Variants in PACS1 observed in about 807,000 individuals in gnomAD.
PACS1 encodes PACS-1.
PACS1 carries 24 observed loss-of-function variants against 115.0 expected under a neutral mutation model. The ratio of observed to expected loss-of-function variants is 0.21; its 90% CI spans 0.15 to 0.29. The LOEUF is 0.29. Among genes scored for constraint, PACS1 ranks in the 10% least tolerant of loss-of-function variants. PACS1 has a pLI of 1.00. For missense variants in PACS1, 838 were observed against 1,251.2 expected (o/e 0.67, Z 4.98); for synonymous variants, 453 against 504.5 (o/e 0.90, Z 1.37).
chr11:66,168,129 T>C (rs945853043), intron 1 of PACS1, among the ~76,000 whole-genome samples: 1 of 150,264 alleles, frequency 6.7e-6, no homozygotes, highest in Non-Finnish European at 1.5e-5. Flanking sequence ...TCTTGAACTC[T>C]GGGCTTAACT....
chr11:66,231,896 G>A lies in PACS1; in HGVS notation c.1627-276G>A, dbSNP rs567286943. On this transcript the variant is annotated intron_variant, in intron 13 of 23. Coordinates refer to ENST00000320580, the MANE Select transcript of PACS1 (RefSeq NM_018026.4). ...ACACCGTTTCCCATCCGCGAGGCTT[G>A]CTGCACCTCCATCCTCTCCACCTGC... 4.0e-4 allele frequency: 137 copies of A among 338,734 alleles called. 2 individuals are homozygous for A. In the South Asian group the frequency reaches 5.5e-3, roughly 14 times the overall value. 21.0% of individuals were successfully genotyped at this position (338,734 alleles called of 1,614,324 possible).
At chr11:66,189,714 C>T (rs1181465485) in intron 1 of PACS1, among the ~76,000 whole-genome samples, 2 of 152,188 alleles carry the variant, frequency 1.3e-5, no homozygotes, top group African/African-American at 2.4e-5. Flanking sequence ...GTTTATCTTG[C>T]AGTGAGTTTA....
intron 1 of PACS1, among the ~76,000 whole-genome samples, chr11:66,109,810 C>G (rs1480786714): frequency 6.6e-6 from 1 of 152,170 alleles, no homozygotes; most frequent in East Asian, 1.9e-4. Flanking sequence ...AAAGGCAATT[C>G]CTGGTGTTAA....
chr11:66,187,597 A>G (rs146513607), intron 1 of PACS1, among the ~76,000 whole-genome samples: 21 of 152,278 alleles, frequency 1.4e-4, no homozygotes, highest in Admixed American at 1.0e-3. Context: ...ACTTAACACA[A>G]TATTCTCAGT....
chr11:66,188,153 A>T (rs1409107654), intron 1 of PACS1, among the ~76,000 whole-genome samples: 1 of 136,562 alleles, frequency 7.3e-6, no homozygotes, highest in Admixed American at 7.2e-5. Flanking sequence ...CGATTTTTTT[A>T]ATCGGATTTT....
chr11:66,195,297 A>G (rs184033954), intron 2 of PACS1, among the ~76,000 whole-genome samples: 110 of 152,314 alleles, frequency 7.2e-4, no homozygotes, highest in Middle Eastern at 6.8e-3. Flanking sequence ...TTCCCTGTTC[A>G]TTTTATGCAT....
Position 66,070,773 on chromosome 11 carries a change from C to A in PACS1, c.287C>A (p.Pro96His). Residue 96 changes from proline to histidine, a missense_variant, in exon 1 of 24, where the codon CCC becomes CAC. By Grantham distance (77) the Pro-to-His change is moderately conservative. This residue lies in a region of PACS1 where 129 missense variants were observed against 109.4 expected (regional missense o/e 1.18). Transcript: ENST00000320580. The surrounding 1 kb of genome is among the most constrained non-coding windows in gnomAD (Gnocchi z 5.9). ...GGTGGCCCGGGGCCAGGCCGCACCC[C>A]CGCCCCGGTGCAGATGAACCTGTAC... is the stretch of plus-strand genomic sequence containing the variant. ...PPGGPGPGRT[P>H]APVQMNLYAT... 6.5e-7 allele frequency: 1 copy of A among 1,535,674 alleles called. No individual in the cohort carries two copies. Among genetic ancestry groups the A allele is most frequent in the East Asian group, 2.6e-5 (1 of 38,374 alleles).
chr11:66,209,191 T>G (rs1223214510), intron 2 of PACS1, among the ~76,000 whole-genome samples: 1 of 149,924 alleles, frequency 6.7e-6, no homozygotes. Flanking sequence ...GTTGGTTACT[T>G]GTGTTCAGAA....
intron 1 of PACS1, among the ~76,000 whole-genome samples, chr11:66,086,966 CA>C (rs1000300027): frequency 2.0e-5 from 3 of 150,276 alleles, no homozygotes; most frequent in African/African-American, 4.9e-5. Flanking sequence ...TGGAAATAAA[CA>C]AAAAACCTTT....
chr11:66,210,576 A>C, intron 3 of PACS1, 125 bp downstream of exon 3: 1 of 743,586 alleles, frequency 1.3e-6, no homozygotes, highest in Non-Finnish European at 2.3e-6. Context: ...GAATGAATAA[A>C]AGTCACCTGG....
chr11:66,180,949 A>T (rs1418446409), intron 1 of PACS1, among the ~76,000 whole-genome samples: 1 of 152,086 alleles, frequency 6.6e-6, no homozygotes, highest in Non-Finnish European at 1.5e-5. Context: ...GTGAGCCACC[A>T]TGCTCAGCCC....
chr11:66,086,176 C>G (rs572880216), intron 1 of PACS1, among the ~76,000 whole-genome samples: 2 of 135,542 alleles, frequency 1.5e-5, no homozygotes, highest in African/African-American at 5.5e-5. Flanking sequence ...CTCGCTCTGT[C>G]GCCCAGGCTG....
chr11:66,170,025 C>A (rs550894284), intron 1 of PACS1, among the ~76,000 whole-genome samples: 1 of 150,682 alleles, frequency 6.6e-6, no homozygotes, highest in Admixed American at 6.6e-5. Flanking sequence ...CAGGTATTCT[C>A]TAGCTTCCTT....
chr11:66,076,063 G>A (rs987771232), intron 1 of PACS1, among the ~76,000 whole-genome samples: 1 of 152,142 alleles, frequency 6.6e-6, no homozygotes, highest in Non-Finnish European at 1.5e-5. Flanking sequence ...AAGCATGTTT[G>A]TACCTTAGGA....
intron 1 of PACS1, among the ~76,000 whole-genome samples, chr11:66,109,492 A>T (rs1565109942): frequency 6.6e-6 from 1 of 152,226 alleles, no homozygotes; most frequent in South Asian, 2.1e-4. Flanking sequence ...CATATGAGTC[A>T]TGTCACCATC....
At chr11:66,177,339 G>T (rs1347536734) in intron 1 of PACS1, among the ~76,000 whole-genome samples, 1 of 151,964 alleles carries the variant, frequency 6.6e-6, no homozygotes, top group Non-Finnish European at 1.5e-5. Context: ...ATTACACCAT[G>T]CGCCACCATG....
intron 2 of PACS1, among the ~76,000 whole-genome samples, chr11:66,204,487 T>C (rs1854886569): frequency 6.6e-6 from 1 of 152,098 alleles, no homozygotes. Flanking sequence ...GTATGGAGTT[T>C]CCTCAAAAAA....
chr11:66,097,513 C>G (rs1857812290), intron 1 of PACS1, among the ~76,000 whole-genome samples: 1 of 152,210 alleles, frequency 6.6e-6, no homozygotes, highest in Non-Finnish European at 1.5e-5. Flanking sequence ...CTATCCCACT[C>G]AGTTCTCAGA....
intron 1 of PACS1, among the ~76,000 whole-genome samples, chr11:66,082,353 T>A (rs1402083316): frequency 6.6e-6 from 1 of 152,020 alleles, no homozygotes; most frequent in Non-Finnish European, 1.5e-5. Context: ...GTCTTCCAAG[T>A]AAAGGTCCAC....
Sources: allele counts gnomAD v4.1 joint callset (sites outside exome capture counted in the v4.1 genomes callset), GRCh38; gene constraint gnomAD v4.1.1; regional missense constraint gnomAD v4.1.1; non-coding constraint Gnocchi (gnomAD v3.1); transcripts MANE v1.5; gene names NCBI Gene and HGNC (gene_info 2026-07-23, HGNC 2026-07-21).